PCDHA2: variants seen among roughly 807,000 people sequenced by gnomAD.
The protein encoded by PCDHA2 is protocadherin alpha 2, also known as protocadherin alpha-2.
PCDHA2 carries 58 observed loss-of-function variants against 66.0 expected under a neutral mutation model. The observed-to-expected ratio is 0.88, with a 90% CI of 0.71 to 1.09. PCDHA2 has a LOEUF of 1.09. PCDHA2 is among the 50% of genes least tolerant of loss of function. PCDHA2 has a pLI of 0.00. For missense variants in PCDHA2, 1,267 were observed against 1,242.3 expected, an observed-to-expected ratio of 1.02 and a Z score of -0.30; for synonymous variants, 634 against 554.0, an observed-to-expected ratio of 1.14 and a Z score of -2.03.
At chr5:140,966,889 C>T in intron 1 of PCDHA2, 1 of 1,593,902 alleles carries the variant, frequency 6.3e-7, no homozygotes, top group Non-Finnish European at 8.5e-7. Flanking sequence ...GCCCTGCGGC[C>T]TCCCAGCTGC....
chr5:140,796,548 G>A lies in PCDHA2; in HGVS notation c.1584G>A (p.Val528=), dbSNP rs782228939. 2.7e-5 allele frequency: 43 copies of A among 1,613,002 alleles called. No individual in the cohort carries two copies. The Admixed American group carries it at 3.7e-4, about 14-fold the overall frequency. The change falls in exon 1 of 4, where the codon GTG becomes GTA. Residue 528 remains valine, a synonymous_variant. Coordinates refer to ENST00000526136, the MANE Select transcript of PCDHA2 (RefSeq NM_018905.3). ...YALQPLDHEE[V]ELLQFQVSAR... Reference sequence around the variant, plus strand: ...TGCAGCCGCTGGACCACGAGGAAGTGGAGCTGCTGCAGTTCCAGGTGAGCG... The same window carrying A: ...TGCAGCCGCTGGACCACGAGGAAGTAGAGCTGCTGCAGTTCCAGGTGAGCG...
chr5:140,797,691 A>AAAG lies in PCDHA2; in HGVS notation c.2388+341_2388+342insGAA, dbSNP rs1762254433. Among the ~76,000 whole-genome samples the AAAG allele has an allele frequency of 3.3e-5, 5 of 152,250 alleles. No homozygotes were observed. In the South Asian group the frequency reaches 1.0e-3, roughly 31 times the overall value. ...AAAAATTGAAAATCACAATCGGAAG[A>AAAG]AATTAAAGAATTTGATTATATAATA... On this transcript the variant is annotated intron_variant, in intron 1 of 3. Coordinates refer to ENST00000526136, the MANE Select transcript of PCDHA2 (RefSeq NM_018905.3).
At chr5:140,846,148 T>A (rs1780222185) in intron 1 of PCDHA2, among the ~76,000 whole-genome samples, 1 of 149,706 alleles carries the variant, frequency 6.7e-6, no homozygotes, top group South Asian at 2.1e-4. Flanking sequence ...TATTTAAAAG[T>A]TGCCTGAGAT....
At chr5:140,918,639 TGA>T (rs1554198713) in intron 1 of PCDHA2, among the ~76,000 whole-genome samples, 1 of 152,224 alleles carries the variant, frequency 6.6e-6, no homozygotes, top group East Asian at 1.9e-4. Context: ...ATTCATAAAT[TGA>T]AACCTAATTC....
intron 1 of PCDHA2, chr5:140,808,804 T>C (rs1326452473): frequency 3.1e-6 from 5 of 1,612,572 alleles, no homozygotes; most frequent in Admixed American, 3.3e-5. Flanking sequence ...CCGCTCGCGA[T>C]GCCGGCGTGC....
chr5:140,875,306 C>T, intron 1 of PCDHA2: 1 of 1,420,166 alleles, frequency 7.0e-7, no homozygotes, highest in Admixed American at 2.9e-5. Context: ...TTCTCCGCAC[C>T]CACATTCCAA....
chr5:140,863,242 G>A (rs2047891518), intron 1 of PCDHA2: 3 of 1,345,158 alleles, frequency 2.2e-6, no homozygotes, highest in African/African-American at 2.9e-5. Context: ...GCGGGCTTTG[G>A]CGGGCGTCGA....
intron 1 of PCDHA2, chr5:140,852,935 G>A: frequency 1.6e-6 from 1 of 611,692 alleles, no homozygotes; most frequent in Non-Finnish European, 2.1e-6. Flanking sequence ...CTGGAGTGCA[G>A]TGGTGCCATC....
intron 1 of PCDHA2, chr5:140,841,467 C>A: frequency 6.2e-7 from 1 of 1,612,946 alleles, no homozygotes; most frequent in Non-Finnish European, 8.5e-7. Context: ...GGCCGGATCG[C>A]GCAGGACCTG....
In PCDHA2 at chr5:140,884,002, C is replaced by G. The variant is rs1189374158; in HGVS notation, c.2388+86650C>G. 26 of 1,612,788 alleles carry G rather than the reference C, an allele frequency of 1.6e-5. No individual in the cohort carries two copies. Among genetic ancestry groups the G allele is most frequent in the Non-Finnish European group, 2.2e-5 (26 of 1,179,570 alleles). Reference sequence around the variant, plus strand: ...CTGGCAGCGCGGGAGGCACAGTGAGCGAGCTGATGCCGCGGTCGGTGGGTG... The same window carrying G: ...CTGGCAGCGCGGGAGGCACAGTGAGGGAGCTGATGCCGCGGTCGGTGGGTG... On this transcript the variant is annotated intron_variant, in intron 1 of 3. Coordinates refer to ENST00000526136, the MANE Select transcript of PCDHA2 (RefSeq NM_018905.3).
intron 1 of PCDHA2, chr5:140,834,305 T>C (rs2150215189): frequency 1.5e-6 from 2 of 1,328,712 alleles, no homozygotes; most frequent in African/African-American, 1.5e-5. Flanking sequence ...CACATCGAGA[T>C]TGAAATGAAG....
intron 1 of PCDHA2, among the ~76,000 whole-genome samples, chr5:140,905,747 C>T (rs2072054792): frequency 2.0e-5 from 3 of 152,156 alleles, no homozygotes; most frequent in South Asian, 2.1e-4. Context: ...AGAGATCTTT[C>T]ACCTCCTTGG....
intron 1 of PCDHA2, chr5:140,803,003 C>T: frequency 6.2e-7 from 1 of 1,614,064 alleles, no homozygotes; most frequent in Non-Finnish European, 8.5e-7. Flanking sequence ...CAGACTCAGG[C>T]TACAACGCGT....
intron 1 of PCDHA2, among the ~76,000 whole-genome samples, chr5:140,938,897 G>A (rs72800999): frequency 0.012 from 1,856 of 151,306 alleles, 24 homozygotes; most frequent in Non-Finnish European, 0.018. Flanking sequence ...ACACAGATGC[G>A]CACACACACA....
rs558780713 is a variant in PCDHA2, at chr5:140,870,170, T to C, written c.2388+72818T>C. ...GAAGTCGCCGTGACTTCCTTGTCCCTCCCAGTACGAGAGGACGCTCAGCCC... is the reference window on the plus strand; with the variant it reads ...GAAGTCGCCGTGACTTCCTTGTCCCCCCCAGTACGAGAGGACGCTCAGCCC... On this transcript the variant is annotated intron_variant, in intron 1 of 3. Coordinates refer to ENST00000526136, the MANE Select transcript of PCDHA2 (RefSeq NM_018905.3). 8 of 1,614,100 alleles carry C rather than the reference T, an allele frequency of 5.0e-6. No homozygotes were observed. In the Admixed American group the frequency reaches 1.0e-4, roughly 20 times the overall value.
chr5:140,832,759 G>A (rs1485511269), intron 1 of PCDHA2, among the ~76,000 whole-genome samples: 1 of 152,158 alleles, frequency 6.6e-6, no homozygotes, highest in Non-Finnish European at 1.5e-5. Flanking sequence ...GTAAAAGCAA[G>A]AATATTGTAA....
At chr5:140,841,119 T>C (rs2150311398) in intron 1 of PCDHA2, 1 of 628,942 alleles carries the variant, frequency 1.6e-6, no homozygotes, top group African/African-American at 1.8e-5. Context: ...ATTCATGTAA[T>C]CATTACCTTT....
chr5:140,882,577 C>T (rs370671644), intron 1 of PCDHA2: 45 of 1,614,120 alleles, frequency 2.8e-5, no homozygotes, highest in East Asian at 1.3e-4. Flanking sequence ...CGGAGTGCAG[C>T]ATCCACCTGG....
chr5:140,843,058 G>A, intron 1 of PCDHA2: 3 of 1,595,232 alleles, frequency 1.9e-6, no homozygotes, highest in Non-Finnish European at 2.6e-6. Flanking sequence ...CAGCGAGCAA[G>A]CTGGTGCCGC....
Sources: gnomAD v4.1 joint callset for allele counts (sites outside exome capture counted in the v4.1 genomes callset) on GRCh38, gnomAD v4.1.1 for gene constraint, MANE v1.5 for transcripts, NCBI Gene and HGNC (gene_info 2026-07-23, HGNC 2026-07-21) for gene names.